The following FCHSD2 variants were observed in gnomAD, a reference collection of about 807,000 sequenced individuals.
FCHSD2 encodes the protein FCH and double SH3 domains 2.
A neutral mutation model predicts 108.1 loss-of-function variants in FCHSD2; 38 were observed. The observed-to-expected ratio is 0.35, with a 90% CI of 0.27 to 0.46. The LOEUF (loss-of-function observed/expected upper bound fraction) is 0.46, where lower values mean the gene tolerates loss of function less well. Ranked by LOEUF, FCHSD2 falls within the 20% of genes least tolerant of loss-of-function variation. FCHSD2 has a pLI of 1.00. For missense variants in FCHSD2, 751 were observed against 897.8 expected, an observed-to-expected ratio of 0.84 and a Z score of 2.09; for synonymous variants, 279 against 314.7, an observed-to-expected ratio of 0.89 and a Z score of 1.20.
chr11:72,913,322 G>A (rs1326318906), intron 9 of FCHSD2, among the ~76,000 whole-genome samples: 1 of 152,100 alleles, frequency 6.6e-6, no homozygotes, highest in South Asian at 2.1e-4. Flanking sequence ...AGGATGAAGT[G>A]CAGCAGTGCA....
At chr11:72,909,115 C>T (rs1293472189) in intron 9 of FCHSD2, among the ~76,000 whole-genome samples, 13 of 152,200 alleles carry the variant, frequency 8.5e-5, no homozygotes, top group Admixed American at 8.5e-4. Flanking sequence ...CAGCTCGCTG[C>T]AACCTCCCTG....
chr11:72,849,396 T>G lies in FCHSD2; in HGVS notation c.1443+359A>C, dbSNP rs569812244. On this transcript the variant is annotated intron_variant, in intron 14 of 19. Transcript: ENST00000409418. ...GAAAATAAATAAGATTAAGTTTGGCTGAGCAGAAGTGCTATATAATAAAAG... is the reference window on the plus strand; with the variant it reads ...GAAAATAAATAAGATTAAGTTTGGCGGAGCAGAAGTGCTATATAATAAAAG... Among the ~76,000 whole-genome samples the G allele has an allele frequency of 6.6e-5, 10 of 152,370 alleles. No homozygotes were observed. In the South Asian group the frequency reaches 2.1e-3, roughly 32 times the overall value.
At chr11:72,970,093 G>A (rs1856981294) in intron 8 of FCHSD2, among the ~76,000 whole-genome samples, 1 of 152,190 alleles carries the variant, frequency 6.6e-6, no homozygotes, top group Non-Finnish European at 1.5e-5. Context: ...CTGTTTCAAA[G>A]TGGTTTGAAA....
At chr11:72,946,563 A>G (rs1463089445) in intron 8 of FCHSD2, among the ~76,000 whole-genome samples, 2 of 152,296 alleles carry the variant, frequency 1.3e-5, no homozygotes, top group East Asian at 3.9e-4. Context: ...AAACTAGACA[A>G]TTACATGGTC....
chr11:73,001,270 T>G, intron 4 of FCHSD2, 136 bp from the exon 5 acceptor site: 1 of 721,918 alleles, frequency 1.4e-6, no homozygotes, highest in Non-Finnish European at 2.3e-6. Flanking sequence ...TTATAGGCAA[T>G]ATGTCAGCAC....
intron 1 of FCHSD2, 48 bp downstream of exon 1, chr11:73,141,809 C>T (rs1219043036): frequency 1.3e-6 from 2 of 1,531,630 alleles, no homozygotes; most frequent in Non-Finnish European, 1.8e-6. Context: ...AGCCGCGTTC[C>T]GCGTACGCAT....
intron 2 of FCHSD2, among the ~76,000 whole-genome samples, chr11:73,138,052 A>G (rs1439751333): frequency 6.6e-6 from 1 of 152,204 alleles, no homozygotes; most frequent in African/African-American, 2.4e-5. Context: ...TAATTAGGAT[A>G]CTAGTATATT....
chr11:73,058,359 G>C (rs1165261513), intron 3 of FCHSD2, among the ~76,000 whole-genome samples: 1 of 152,132 alleles, frequency 6.6e-6, no homozygotes, highest in East Asian at 1.9e-4. Context: ...GACAATTCCA[G>C]TTGTAACATA....
At chr11:72,986,153 G>A (rs1303263454) in intron 6 of FCHSD2, among the ~76,000 whole-genome samples, 1 of 152,124 alleles carries the variant, frequency 6.6e-6, no homozygotes, top group African/African-American at 2.4e-5. Flanking sequence ...AAAAAATTGG[G>A]TTTAAAAGAT....
intron 14 of FCHSD2, among the ~76,000 whole-genome samples, chr11:72,846,736 T>A (rs1861155672): frequency 6.6e-6 from 1 of 152,220 alleles, no homozygotes; most frequent in Non-Finnish European, 1.5e-5. Context: ...TTCCTGTATT[T>A]CTTTTAAAAC....
At chr11:73,137,315 C>G (rs1199064079) in intron 2 of FCHSD2, among the ~76,000 whole-genome samples, 4 of 151,774 alleles carry the variant, frequency 2.6e-5, no homozygotes, top group Non-Finnish European at 5.9e-5. Context: ...GATAGAAGAA[C>G]ACACTAACTC....
At chr11:73,117,820 C>A (rs544916792) in intron 2 of FCHSD2, among the ~76,000 whole-genome samples, 118 of 152,296 alleles carry the variant, frequency 7.7e-4, no homozygotes, top group African/African-American at 2.6e-3. Flanking sequence ...AATTAATCCA[C>A]CTTATTTTTG....
At chr11:72,897,495 T>C (rs959324955) in intron 10 of FCHSD2, among the ~76,000 whole-genome samples, 5 of 152,180 alleles carry the variant, frequency 3.3e-5, no homozygotes. Flanking sequence ...ACAGGTTATA[T>C]GCAAATATTA....
At chr11:73,072,479 C>G (rs1382408571) in intron 3 of FCHSD2, among the ~76,000 whole-genome samples, 2 of 151,934 alleles carry the variant, frequency 1.3e-5, no homozygotes, top group Admixed American at 6.5e-5. Flanking sequence ...ACTGTACCAA[C>G]TATTTCAGGA....
intron 12 of FCHSD2, chr11:72,869,605 C>T (rs1854808163): frequency 6.6e-6 from 1 of 151,720 alleles, no homozygotes; most frequent in South Asian, 2.1e-4. Context: ...TGCTAATCTT[C>T]TCTGCATCAT....
chr11:73,084,156 C>T (rs1859760345), intron 2 of FCHSD2, among the ~76,000 whole-genome samples: 1 of 152,184 alleles, frequency 6.6e-6, no homozygotes, highest in Admixed American at 6.5e-5. Context: ...ATATATTAGG[C>T]ACTAAAGATG....
intron 3 of FCHSD2, among the ~76,000 whole-genome samples, chr11:73,038,496 C>G (rs991899653): frequency 6.6e-6 from 1 of 152,120 alleles, no homozygotes; most frequent in Admixed American, 6.6e-5. Context: ...GGTACATATA[C>G]AGCGTGGATA....
intron 3 of FCHSD2, among the ~76,000 whole-genome samples, chr11:73,028,877 C>G (rs1293042921): frequency 6.6e-6 from 1 of 152,170 alleles, no homozygotes; most frequent in Admixed American, 6.5e-5. Flanking sequence ...TAAGAGATGC[C>G]TTGCTTCCCC....
chr11:72,981,101 T>C (rs1197037284), intron 8 of FCHSD2, among the ~76,000 whole-genome samples: 1 of 152,194 alleles, frequency 6.6e-6, no homozygotes, highest in African/African-American at 2.4e-5. Context: ...AGTTTTCCTG[T>C]ACTGCAGACT....
Sources: allele counts gnomAD v4.1 joint callset (sites outside exome capture counted in the v4.1 genomes callset), GRCh38; gene constraint gnomAD v4.1.1; transcripts MANE v1.5; gene names NCBI Gene and HGNC (gene_info 2026-07-23, HGNC 2026-07-21).